RAN: variants seen among roughly 807,000 people sequenced by gnomAD.
RAN encodes GTP-binding nuclear protein Ran.
In RAN, 2 loss-of-function variants were observed where a neutral mutation model predicts 26.8. The ratio of observed to expected loss-of-function variants is 0.07; its 90% CI spans 0.03 to 0.23. RAN has a LOEUF of 0.23. RAN is among the 10% of genes least tolerant of loss of function. The pLI is 1.00. For missense variants in RAN, 56 were observed against 264.8 expected, an observed-to-expected ratio of 0.21 and a Z score of 5.47; for synonymous variants, 132 against 95.9, an observed-to-expected ratio of 1.38 and a Z score of -2.20.
chr12:130,872,962 T>TG (rs1235497200), intron 3 of RAN, 41 bp from the exon 4 acceptor site: 1 of 1,614,140 alleles, frequency 6.2e-7, no homozygotes, highest in South Asian at 1.1e-5. Context: ...ATGTGAGAAA[T>TG]GGGTAAGTTC....
At chr12:130,875,486 G>A (rs1953222654) in intron 5 of RAN, 126 bp from the exon 6 acceptor site, 1 of 875,730 alleles carries the variant, frequency 1.1e-6, no homozygotes, top group East Asian at 2.7e-5. Flanking sequence ...GAAAGTGCTG[G>A]GATTACAGGC....
intron 6 of RAN, 45 bp from the exon 7 acceptor site, chr12:130,875,837 C>T: frequency 6.2e-7 from 1 of 1,613,870 alleles, no homozygotes; most frequent in Non-Finnish European, 8.5e-7. Flanking sequence ...TTATTCCTGG[C>T]AGTTTTGATC....
At chr12:130,873,325 C>T in intron 4 of RAN, 197 bp downstream of exon 4, 2 of 594,714 alleles carry the variant, frequency 3.4e-6, no homozygotes, top group South Asian at 4.1e-5. Context: ...CATGCTGTGT[C>T]ATGCTAGGCA....
chr12:130,876,228 A>G lies in RAN; in HGVS notation c.*302A>G, dbSNP rs1953238052. 1 of 375,722 alleles carries G rather than the reference A, an allele frequency of 2.7e-6. No individual in the cohort carries two copies. Among genetic ancestry groups the G allele is most frequent in the Non-Finnish European group, 4.8e-6 (1 of 207,782 alleles). The allele number at this position is 375,722 out of a possible 1,614,324, so 23.3% of individuals were successfully genotyped here. A position where few individuals can be genotyped will look rare whatever the true frequency, so the allele number is the denominator to read the frequency against. ...TGGTGAAATCTTGTTTGTTACTGTC[A>G]TTCCCATTCCTTTTCGTTTAGAATC... On this transcript the variant is annotated 3_prime_UTR_variant, in exon 7 of 7. Coordinates refer to ENST00000543796, the MANE Select transcript of RAN (RefSeq NM_006325.5).
chr12:130,873,597 T>C (rs1273681073), intron 4 of RAN: 1 of 162,338 alleles, frequency 6.2e-6, no homozygotes, highest in Non-Finnish European at 1.4e-5. Context: ...CAGAGTATTT[T>C]TCTCAAATAG....
rs1565957099 is a variant in RAN, at chr12:130,877,549, A to C, written c.*1623A>C. Reference sequence around the variant, plus strand: ...ATTGCAAGTGGTGTTGACATTCTGGATCTTCTATGTAACAGTTGAAATTTG... The same window carrying C: ...ATTGCAAGTGGTGTTGACATTCTGGCTCTTCTATGTAACAGTTGAAATTTG... On this transcript the variant is annotated 3_prime_UTR_variant, in exon 7 of 7. Transcript: ENST00000543796. 1 of 152,180 alleles carries C rather than the reference A, an allele frequency of 6.6e-6. No individual in the cohort carries two copies. 9.4% of individuals were successfully genotyped at this position (152,180 alleles called of 1,614,324 possible). A position where few individuals can be genotyped will look rare whatever the true frequency, so the allele number is the denominator to read the frequency against.
In RAN at chr12:130,873,007, C is replaced by T. The variant is rs199644788; in HGVS notation, c.126C>T (p.Thr42=). 6 of 1,614,054 alleles carry T rather than the reference C, an allele frequency of 3.7e-6. No homozygotes were observed. Among genetic ancestry groups the T allele is most frequent in the African/African-American group, 1.3e-5 (1 of 74,918 alleles). The part of the protein sequence containing the change: ...TGEFEKKYVA[T]LGVEVHPLVF... ...ATCGCATCGTTTCCGTTTCAGCCACCTTGGGTGTTGAGGTTCATCCCCTAG... is the reference window on the plus strand; with the variant it reads ...ATCGCATCGTTTCCGTTTCAGCCACTTTGGGTGTTGAGGTTCATCCCCTAG... The change falls in exon 4 of 7, where the codon ACC becomes ACT. Residue 42 remains threonine (T), a synonymous_variant. Coordinates refer to ENST00000543796, the MANE Select transcript of RAN (RefSeq NM_006325.5).
rs987885960 is a variant in RAN at position 130,877,393 on chromosome 12, G to C, written c.*1467G>C. On this transcript the variant is annotated 3_prime_UTR_variant, in exon 7 of 7. Transcript: ENST00000543796. The stretch of plus-strand genomic sequence containing the variant: ...TCTTAAGATCTGAATTGCTGTGTAT[G>C]TTACGCTGTATTCAGAACCAGTTTC... The C allele has an allele frequency of 6.6e-6, 1 of 152,222 alleles. No individual in the cohort carries two copies. The highest frequency in any genetic ancestry group is 2.4e-5 in the African/African-American group (1 of 41,450). The allele number at this position is 152,222 out of a possible 1,614,324, so 9.4% of individuals were successfully genotyped here.
Position 130,874,547 on chromosome 12 carries a change from C to G in RAN, c.249C>G (p.Ala83=), listed in dbSNP as rs139618829. ...TAATTCCCACAAATGTTTCTTCAGC[C>G]CAGTGTGCCATCATAATGTTTGATG... The part of the protein sequence containing the change: ...GGLRDGYYIQ[A]QCAIIMFDVT... The change falls in exon 5 of 7, where the codon GCC becomes GCG. Residue 83 remains alanine, a splice_region_variant and synonymous_variant. Transcript: ENST00000543796. 78 of 1,574,986 alleles carry G rather than the reference C, an allele frequency of 5.0e-5. No homozygotes were observed. The highest frequency in any genetic ancestry group is 6.4e-5 in the Non-Finnish European group (74 of 1,148,670).
chr12:130,875,509 G>T, intron 5 of RAN, 103 bp from the exon 6 acceptor site: 1 of 1,118,908 alleles, frequency 8.9e-7, no homozygotes, highest in Non-Finnish European at 1.2e-6. Flanking sequence ...GAGCCACCAT[G>T]CCTTGCCAAG....
At chr12:130,874,409 C>T (rs1953199857) in intron 4 of RAN, 137 bp from the exon 5 acceptor site, 1 of 626,528 alleles carries the variant, frequency 1.6e-6, no homozygotes, top group South Asian at 2.4e-5. Flanking sequence ...TGACAGAGAC[C>T]TTGAAAGTGA....
intron 5 of RAN, among the ~76,000 whole-genome samples, chr12:130,875,170 T>TA (rs1953215933): frequency 6.6e-6 from 1 of 151,868 alleles, no homozygotes; most frequent in South Asian, 2.1e-4. Flanking sequence ...TAAAGAATGA[T>TA]AGAGATTGGG....
chr12:130,876,877 G>C lies in RAN; in HGVS notation c.*951G>C, dbSNP rs1953254572. On this transcript the variant is annotated 3_prime_UTR_variant, in exon 7 of 7. Coordinates refer to ENST00000543796, the MANE Select transcript of RAN (RefSeq NM_006325.5). ...TACTCCTAGACTTTAAAGATGTCTT[G>C]AACATTTAAGTTCTTCAGCAGTTCA... The C allele has an allele frequency of 1.3e-5, 2 of 152,074 alleles. No individual in the cohort carries two copies. The highest frequency in any genetic ancestry group is 2.9e-5 in the Non-Finnish European group (2 of 68,002). 9.4% of individuals were successfully genotyped at this position (152,074 alleles called of 1,614,324 possible). A position where few individuals can be genotyped will look rare whatever the true frequency, so the allele number is the denominator to read the frequency against.
Position 130,872,480 on chromosome 12 carries a change from A to C in RAN, c.-10-104A>C. On this transcript the variant is annotated intron_variant, in intron 1 of 6. Coordinates refer to ENST00000543796, the MANE Select transcript of RAN (RefSeq NM_006325.5). ...TGGCCGCCATGGCGCCGCGGGCGGG[A>C]GGCCTTTGTGGGGCGGGCACGTGGG... 4.0e-6 allele frequency: 3 copies of C among 755,782 alleles called. No homozygotes were observed. The South Asian group carries it at 1.9e-4, about 48-fold the overall frequency. 46.8% of individuals were successfully genotyped at this position (755,782 alleles called of 1,614,324 possible).
intron 6 of RAN, 22 bp from the exon 7 acceptor site, chr12:130,875,860 G>A (rs368883071): frequency 2.1e-5 from 34 of 1,614,050 alleles, no homozygotes; most frequent in Middle Eastern, 3.3e-4. Context: ...GAGTGTTAAC[G>A]TTTTTCCATC....
In RAN at chr12:130,877,150, A is replaced by G. The variant is rs1953261490; in HGVS notation, c.*1224A>G. ...GGATAATTAGGAGTTTGATCCCATC[A>G]ACACTATTCTTGTAGCAGTTAGGAA... On this transcript the variant is annotated 3_prime_UTR_variant, in exon 7 of 7. Transcript: ENST00000543796. The G allele has an allele frequency of 6.6e-6, 1 of 152,280 alleles. No homozygotes were observed. Among genetic ancestry groups the G allele is most frequent in the South Asian group, 2.1e-4 (1 of 4,824 alleles). 9.4% of individuals were successfully genotyped at this position (152,280 alleles called of 1,614,324 possible). A position where few individuals can be genotyped will look rare whatever the true frequency, so the allele number is the denominator to read the frequency against.
At chr12:130,875,529 A>G (rs1403039819) in intron 5 of RAN, 83 bp from the exon 6 acceptor site, 1 of 1,296,366 alleles carries the variant, frequency 7.7e-7, no homozygotes, top group Non-Finnish European at 1.0e-6. Flanking sequence ...GAATCTTAAC[A>G]TTTTCTTATC....
rs138621627 is a variant in RAN at position 130,877,649 on chromosome 12, G to A, written c.*1723G>A. ...GTCCTTTATTGAAAGAATAATTGTTGCAAAATATATTGCTTCTACTTTGCC... is the reference window on the plus strand; with the variant it reads ...GTCCTTTATTGAAAGAATAATTGTTACAAAATATATTGCTTCTACTTTGCC... On this transcript the variant is annotated 3_prime_UTR_variant, in exon 7 of 7. Coordinates refer to ENST00000543796, the MANE Select transcript of RAN (RefSeq NM_006325.5). 1 of 152,140 alleles carries A rather than the reference G, an allele frequency of 6.6e-6. No homozygotes were observed. The highest frequency in any genetic ancestry group is 1.5e-5 in the Non-Finnish European group (1 of 68,038). 9.4% of individuals were successfully genotyped at this position (152,140 alleles called of 1,614,324 possible).
At chr12:130,872,253 G>T (rs1440025260) in intron 1 of RAN, 127 bp downstream of exon 1, 1 of 154,594 alleles carries the variant, frequency 6.5e-6, no homozygotes, top group Non-Finnish European at 1.4e-5. Flanking sequence ...GGCTGAGTAG[G>T]TGGGTGGTGC....
Sources: gnomAD v4.1 joint callset for allele counts (sites outside exome capture counted in the v4.1 genomes callset) on GRCh38, gnomAD v4.1.1 for gene constraint, MANE v1.5 for transcripts, NCBI Gene and HGNC (gene_info 2026-07-23, HGNC 2026-07-21) for gene names.